EPM2A: variants seen among roughly 807,000 people sequenced by gnomAD.
The protein encoded by EPM2A is EPM2A glucan phosphatase, laforin, also known as laforin.
In EPM2A, 21 loss-of-function variants were observed where a neutral mutation model predicts 26.5. The ratio of observed to expected loss-of-function variants is 0.79; its 90% CI spans 0.56 to 1.14. The LOEUF (loss-of-function observed/expected upper bound fraction) is 1.14. EPM2A is among the 50% of genes most tolerant of loss of function. EPM2A has a pLI of 0.00. For missense variants in EPM2A, 458 were observed against 440.8 expected (o/e 1.04, Z -0.35); for synonymous variants, 217 against 177.6 (o/e 1.22, Z -1.76).
chr6:145,722,350 T>C (rs1360705308), intron 1 of EPM2A, among the ~76,000 whole-genome samples: 2 of 152,134 alleles, frequency 1.3e-5, no homozygotes, highest in East Asian at 3.8e-4. Flanking sequence ...AAAGGACCAG[T>C]TGGAATAAAC....
intron 2 of EPM2A, among the ~76,000 whole-genome samples, chr6:145,598,422 GTTGTTTTTCTC>G (rs1232903850): frequency 6.6e-6 from 1 of 151,900 alleles, no homozygotes; most frequent in African/African-American, 2.4e-5. Context: ...AATGGGGTAG[GTTGTTTTTCTC>G]TTGTAAATTT....
downstream of EPM2A, among the ~76,000 whole-genome samples, chr6:145,499,920 G>C (rs1196011435): frequency 6.6e-6 from 1 of 151,936 alleles, no homozygotes; most frequent in Non-Finnish European, 1.5e-5. Flanking sequence ...TGTTCCTGGA[G>C]CACGAAGGTG....
At chr6:145,465,627 T>C (rs1779381307) in intron 4 of EPM2A, among the ~76,000 whole-genome samples, 1 of 151,622 alleles carries the variant, frequency 6.6e-6, no homozygotes, top group Non-Finnish European at 1.5e-5. Flanking sequence ...TTGATGATGG[T>C]GATGTACAGA....
At chr6:145,415,082 C>G (rs1338130790) in intron 4 of EPM2A, among the ~76,000 whole-genome samples, 1 of 152,180 alleles carries the variant, frequency 6.6e-6, no homozygotes, top group Non-Finnish European at 1.5e-5. Flanking sequence ...TCACTTTAGT[C>G]ATAATCACCA....
At chr6:145,494,273 A>C (rs1013262807) in intron 4 of EPM2A, among the ~76,000 whole-genome samples, 2 of 152,144 alleles carry the variant, frequency 1.3e-5, no homozygotes, top group Non-Finnish European at 2.9e-5. Context: ...ATGTGTATAG[A>C]GGTGTTTATA....
At chr6:145,491,329 G>A (rs538225798) in intron 4 of EPM2A, 3 of 337,562 alleles carry the variant, frequency 8.9e-6, no homozygotes, top group South Asian at 5.0e-5. Flanking sequence ...GAGCATGCAG[G>A]TGAGCGGGCG....
At chr6:145,558,474 T>C (rs1780760928) in intron 2 of EPM2A, among the ~76,000 whole-genome samples, 1 of 152,072 alleles carries the variant, frequency 6.6e-6, no homozygotes, top group Non-Finnish European at 1.5e-5. Flanking sequence ...TATATGGTAG[T>C]TCTATTTTTA....
chr6:145,477,045 T>C (rs1392527399), intron 4 of EPM2A, among the ~76,000 whole-genome samples: 3 of 151,634 alleles, frequency 2.0e-5, no homozygotes, highest in Non-Finnish European at 4.4e-5. Flanking sequence ...GGACAAACTT[T>C]CAGCCAGACT....
At chr6:145,671,257 A>G in intron 2 of EPM2A, 1 of 1,051,544 alleles carries the variant, frequency 9.5e-7, no homozygotes. Flanking sequence ...AATCATTTAT[A>G]TACTGGCCAT....
At chr6:145,606,406 TA>T (rs1172437073) in intron 2 of EPM2A, among the ~76,000 whole-genome samples, 7 of 151,876 alleles carry the variant, frequency 4.6e-5, no homozygotes, top group Admixed American at 2.6e-4. Flanking sequence ...CATTTTATAT[TA>T]AATTTTTATA....
At chr6:145,425,127 T>TTCCTTCCTTCCTTCCA (rs1374548070) in intron 4 of EPM2A, among the ~76,000 whole-genome samples, 1 of 146,272 alleles carries the variant, frequency 6.8e-6, no homozygotes, top group East Asian at 2.2e-4. Context: ...CCTTCCTTCC[T>TTCCTTCCTTCCTTCCA]TCCTTCCTTC....
At chr6:145,426,249 A>G (rs1778853372) in intron 4 of EPM2A, among the ~76,000 whole-genome samples, 1 of 152,186 alleles carries the variant, frequency 6.6e-6, no homozygotes, top group Non-Finnish European at 1.5e-5. Context: ...CCTTTCCATT[A>G]GAATCATGGC....
chr6:145,466,855 A>G (rs1245987084), intron 4 of EPM2A, among the ~76,000 whole-genome samples: 1 of 152,222 alleles, frequency 6.6e-6, no homozygotes, highest in African/African-American at 2.4e-5. Context: ...GACATGGATG[A>G]AATTGGAAAT....
chr6:145,489,192 C>T (rs1183103255), intron 4 of EPM2A, among the ~76,000 whole-genome samples: 3 of 152,094 alleles, frequency 2.0e-5, no homozygotes, highest in Non-Finnish European at 2.9e-5. Context: ...ATGCAATGTT[C>T]GTCATGCAGC....
chr6:145,631,747 C>T (rs1776266230), intron 3 of EPM2A: 1 of 151,970 alleles, frequency 6.6e-6, no homozygotes, highest in African/African-American at 2.4e-5. Context: ...AGTCAAGTAG[C>T]CTGAGGTATT....
intron 2 of EPM2A, among the ~76,000 whole-genome samples, chr6:145,553,087 G>T (rs140541943): frequency 6.6e-6 from 1 of 151,958 alleles, no homozygotes; most frequent in South Asian, 2.1e-4. Context: ...GGGCAGTTTC[G>T]CCATGCTGTT....
At chr6:145,485,771 G>T (rs1445073445) in intron 4 of EPM2A, among the ~76,000 whole-genome samples, 6 of 152,154 alleles carry the variant, frequency 3.9e-5, no homozygotes, top group African/African-American at 1.2e-4. Flanking sequence ...GAGGTTTAAT[G>T]GATTCACAGT....
At chr6:145,587,870 C>A (rs1167106726) in intron 2 of EPM2A, among the ~76,000 whole-genome samples, 2 of 152,120 alleles carry the variant, frequency 1.3e-5, no homozygotes, top group African/African-American at 4.8e-5. Context: ...ATAAATTTAT[C>A]TTATTCTCAA....
intron 2 of EPM2A, among the ~76,000 whole-genome samples, chr6:145,513,282 G>A (rs1213134438): frequency 1.3e-5 from 2 of 151,904 alleles, no homozygotes; most frequent in Non-Finnish European, 2.9e-5. Context: ...AATATAAGTG[G>A]CCAACCACCC....
Sources: gnomAD v4.1 joint callset for allele counts (sites outside exome capture counted in the v4.1 genomes callset) on GRCh38, gnomAD v4.1.1 for gene constraint, MANE v1.5 for transcripts, NCBI Gene and HGNC (gene_info 2026-07-23, HGNC 2026-07-21) for gene names.